The following NOL4L variants were observed in gnomAD, a reference collection of about 807,000 sequenced individuals.
NOL4L encodes the protein nucleolar protein 4 like.
In NOL4L, 7 loss-of-function variants were observed where a neutral mutation model predicts 64.5. That is an observed-to-expected ratio of 0.11 (90% confidence interval 0.06 to 0.20). NOL4L has a LOEUF of 0.20. NOL4L is among the 10% of genes least tolerant of loss of function. The pLI, the probability that NOL4L is intolerant of heterozygous loss-of-function variation, is 1.00. For synonymous variants in NOL4L, 413 were observed against 401.0 expected, an observed-to-expected ratio of 1.03 and a Z score of -0.36; for missense variants, 680 against 967.1, an observed-to-expected ratio of 0.70 and a Z score of 3.94.
chr20:32,505,785 C>CACAAAAGG (rs1568665921), intron 4 of NOL4L, among the ~76,000 whole-genome samples: 1 of 148,864 alleles, frequency 6.7e-6, no homozygotes, highest in Non-Finnish European at 1.5e-5. Context: ...AGACATGATG[C>CACAAAAGG]ACAAAAGGAC....
In NOL4L at chr20:32,541,352, T is replaced by C. The variant is rs148356477; in HGVS notation, c.322-13439A>G. Among the ~76,000 whole-genome samples the C allele has an allele frequency of 4.7e-3, 719 of 152,360 alleles. 2 individuals carry two copies. Among genetic ancestry groups the C allele is most frequent in the Non-Finnish European group, 7.0e-3 (474 of 68,024 alleles). On this transcript the variant is annotated intron_variant, in intron 1 of 10. Coordinates refer to ENST00000621426, the MANE Select transcript of NOL4L (RefSeq NM_001256798.2). ...AAGCTGGAGCTCACTTCTACATTAT[T>C]GCCTTTCTCATGCTACTAGCAGGCA...
At chr20:32,535,982 G>A (rs2018508593) in intron 1 of NOL4L, 2 of 985,332 alleles carry the variant, frequency 2.0e-6, no homozygotes, top group Admixed American at 6.2e-5. Context: ...TGCTGTAGAG[G>A]TGAAGTCACA....
chr20:32,558,997 G>A (rs1978836358), intron 1 of NOL4L, among the ~76,000 whole-genome samples: 1 of 152,158 alleles, frequency 6.6e-6, no homozygotes, highest in Non-Finnish European at 1.5e-5. Flanking sequence ...TGGATAGTGT[G>A]TCCCGTATCT....
chr20:32,531,366 CCT>C (rs1568693097), intron 1 of NOL4L, among the ~76,000 whole-genome samples: 25 of 147,240 alleles, frequency 1.7e-4, no homozygotes, highest in African/African-American at 6.1e-4. Context: ...TATTTCTATA[CCT>C]TTTTTTTTTT....
intron 4 of NOL4L, among the ~76,000 whole-genome samples, chr20:32,488,260 A>T (rs2016179552): frequency 6.6e-6 from 1 of 152,068 alleles, no homozygotes. Flanking sequence ...GAGATTACAA[A>T]CTGTGGTAGA....
chr20:32,529,067 T>A (rs1022321842), intron 1 of NOL4L, among the ~76,000 whole-genome samples: 1 of 152,180 alleles, frequency 6.6e-6, no homozygotes, highest in Non-Finnish European at 1.5e-5. Context: ...TAGTAGGTAG[T>A]CAGTAAATAA....
intron 1 of NOL4L, among the ~76,000 whole-genome samples, chr20:32,532,593 A>G (rs1328377391): frequency 1.3e-5 from 2 of 152,218 alleles, no homozygotes; most frequent in Admixed American, 1.3e-4. Context: ...AAGGAAGCAG[A>G]AAGCACCTTC....
intron 1 of NOL4L, among the ~76,000 whole-genome samples, chr20:32,556,986 C>T (rs184619265): frequency 6.6e-6 from 1 of 152,342 alleles, no homozygotes; most frequent in East Asian, 1.9e-4. Flanking sequence ...ATCAGGTAGA[C>T]CCGATTTTAA....
chr20:32,453,020 G>A lies in NOL4L; in HGVS notation c.1498-14C>T, dbSNP rs373913533. ...CGTGGGTCTGGTCTGCAGGCAGAAC[G>A]GGGATGGAGCTAGCATGGGGCCCGT... On this transcript the variant is annotated splice_polypyrimidine_tract_variant and intron_variant, in intron 8 of 10. Coordinates refer to ENST00000621426, the MANE Select transcript of NOL4L (RefSeq NM_001256798.2). This position sits in a 1 kb window ranked among gnomAD's most constrained non-coding sequence, Gnocchi z 5.6. 7.2e-4 allele frequency: 1,164 copies of A among 1,612,310 alleles called. No individual in the cohort carries two copies. Among genetic ancestry groups the A allele is most frequent in the Non-Finnish European group, 9.1e-4 (1,072 of 1,179,990 alleles).
chr20:32,538,365 GCT>G (rs2018588432), intron 1 of NOL4L, among the ~76,000 whole-genome samples: 2 of 152,154 alleles, frequency 1.3e-5, no homozygotes, highest in African/African-American at 2.4e-5. Flanking sequence ...AGCAGAACCG[GCT>G]CTGTGTCCCC....
intron 4 of NOL4L, among the ~76,000 whole-genome samples, chr20:32,501,280 A>C (rs1254997503): frequency 1.3e-5 from 2 of 152,240 alleles, no homozygotes; most frequent in Non-Finnish European, 2.9e-5. Flanking sequence ...GAAAAATGTC[A>C]AATTTCTAAA....
rs1416195641 is a variant in NOL4L, at chr20:32,447,187, A to C, written c.*409T>G. On this transcript the variant is annotated 3_prime_UTR_variant, in exon 11 of 11. Coordinates refer to ENST00000621426, the MANE Select transcript of NOL4L (RefSeq NM_001256798.2). ...ATAAATTACTAAGGGGAGAGGAAGA[A>C]AGGGTCCACTTTGCTTTTCTCAATA... 2.4e-5 allele frequency: 11 copies of C among 464,978 alleles called. No individual in the cohort carries two copies. The highest frequency in any genetic ancestry group is 4.7e-5 in the Non-Finnish European group (11 of 233,952). 28.8% of individuals were successfully genotyped at this position (464,978 alleles called of 1,614,324 possible). A position where few individuals can be genotyped will look rare whatever the true frequency, so the allele number is the denominator to read the frequency against.
rs984750289 is a variant in NOL4L, at chr20:32,447,285, G to A, written c.*311C>T. On this transcript the variant is annotated 3_prime_UTR_variant, in exon 11 of 11. Coordinates refer to ENST00000621426, the MANE Select transcript of NOL4L (RefSeq NM_001256798.2). ...GTGGGATTCTAACATCAGGGTCCAC[G>A]AAGGTGATTCTAAACAGAGCTGCAG... The A allele has an allele frequency of 2.3e-5, 13 of 572,126 alleles. 1 individual carries two copies. Among genetic ancestry groups the A allele is most frequent in the Admixed American group, 6.6e-5 (3 of 45,778 alleles). The allele number at this position is 572,126 out of a possible 1,614,324, so 35.4% of individuals were successfully genotyped here. A position where few individuals can be genotyped will look rare whatever the true frequency, so the allele number is the denominator to read the frequency against.
At chr20:32,494,276 A>AC (rs2016591872) in intron 4 of NOL4L, among the ~76,000 whole-genome samples, 3 of 85,084 alleles carry the variant, frequency 3.5e-5, no homozygotes, top group African/African-American at 1.1e-4. Flanking sequence ...AAAAAAAAAA[A>AC]AAAAAACACA....
intron 1 of NOL4L, chr20:32,532,532 C>A: frequency 5.1e-6 from 1 of 197,384 alleles, no homozygotes; most frequent in Non-Finnish European, 9.1e-6. Flanking sequence ...GGGAGGCAGG[C>A]CTTCCCTAGC....
intron 6 of NOL4L, among the ~76,000 whole-genome samples, chr20:32,455,268 C>G (rs1418437620): frequency 1.3e-5 from 2 of 152,244 alleles, no homozygotes; most frequent in African/African-American, 4.8e-5. Context: ...AGCAGCTATG[C>G]CTGTCCCTTG....
intron 4 of NOL4L, among the ~76,000 whole-genome samples, chr20:32,476,920 C>T (rs904405758): frequency 2.6e-5 from 4 of 152,340 alleles, no homozygotes; most frequent in Non-Finnish European, 4.4e-5. Flanking sequence ...TGTGGCTCCA[C>T]GCAAGTTTCA....
intron 1 of NOL4L, among the ~76,000 whole-genome samples, chr20:32,542,194 A>G (rs2018667025): frequency 6.6e-6 from 1 of 152,238 alleles, no homozygotes; most frequent in Non-Finnish European, 1.5e-5. Context: ...TCCTCGGGCT[A>G]GCTGCTAGTC....
chr20:32,465,664 G>A (rs1037696322), intron 5 of NOL4L, among the ~76,000 whole-genome samples: 2 of 152,226 alleles, frequency 1.3e-5, no homozygotes, highest in Admixed American at 1.3e-4. Context: ...ATGTGTGAAT[G>A]ATTCACGGGG....
Sources: gnomAD v4.1 joint callset for allele counts (sites outside exome capture counted in the v4.1 genomes callset) on GRCh38, gnomAD v4.1.1 for gene constraint, Gnocchi (gnomAD v3.1) non-coding constraint, MANE v1.5 for transcripts, NCBI Gene and HGNC (gene_info 2026-07-23, HGNC 2026-07-21) for gene names.